The following GRIN3A variants were observed in gnomAD, a reference collection of about 807,000 sequenced individuals.
The protein encoded by GRIN3A is glutamate ionotropic receptor NMDA type subunit 3A, also known as glutamate receptor ionotropic, NMDA 3A.
In GRIN3A, 47 loss-of-function variants were observed where a neutral mutation model predicts 92.4. The ratio of observed to expected loss-of-function variants is 0.51; its 90% CI spans 0.40 to 0.65. The LOEUF (loss-of-function observed/expected upper bound fraction) is 0.65. Among genes scored for constraint, GRIN3A ranks in the 30% least tolerant of loss-of-function variants. The pLI, the probability that GRIN3A is intolerant of heterozygous loss-of-function variation, is 0.00. For synonymous variants in GRIN3A, 527 were observed against 540.6 expected (o/e 0.97, Z 0.35); for missense variants, 1,324 against 1,393.1 (o/e 0.95, Z 0.79).
rs557900948 is a variant in GRIN3A at position 101,652,552 on chromosome 9, G to A, written c.2352+17508C>T. Among the ~76,000 whole-genome samples the A allele has an allele frequency of 3.3e-5, 5 of 152,098 alleles. No individual in the cohort carries two copies. In the South Asian group the frequency reaches 1.0e-3, roughly 31 times the overall value. ...GTCCCAACATCCTCCCTCCACCAAAGGTGCTGTCCTCTGGTGATGGAGTTG... is the reference window on the plus strand; with the variant it reads ...GTCCCAACATCCTCCCTCCACCAAAAGTGCTGTCCTCTGGTGATGGAGTTG... On this transcript the variant is annotated intron_variant, in intron 3 of 8. Coordinates refer to ENST00000361820, the MANE Select transcript of GRIN3A (RefSeq NM_133445.3).
intron 6 of GRIN3A, among the ~76,000 whole-genome samples, chr9:101,596,959 A>G (rs573963974): frequency 5.9e-5 from 9 of 152,314 alleles, no homozygotes; most frequent in Admixed American, 3.9e-4. Context: ...TAAACCAAGT[A>G]CGGGACCTTA....
chr9:101,694,736 G>A (rs1172446996), intron 1 of GRIN3A, among the ~76,000 whole-genome samples: 4 of 152,160 alleles, frequency 2.6e-5, no homozygotes, highest in African/African-American at 7.2e-5. Flanking sequence ...TTTGATCAAA[G>A]GGCATGGCTA....
rs1354836716 is a variant in GRIN3A at position 101,670,590 on chromosome 9, A to G, written c.1822T>C (p.Trp608Arg). ...AGCCCAGTCCAGTGCCCATTTTTCC[A>G]TGCTCCATACTTTCCATCCCCTACA... is the stretch of plus-strand genomic sequence containing the variant. ...YIVGDGKYGA[W>R]KNGHWTGLVG... The change falls in exon 3 of 9, where the codon TGG (tryptophan) becomes CGG (arginine). Residue 608 changes from tryptophan (W) to arginine (R), a missense_variant. Physicochemically the swap from Trp to Arg is moderately radical, Grantham distance 101. Transcript: ENST00000361820. 1 of 1,614,018 alleles carries G rather than the reference A, an allele frequency of 6.2e-7. No individual in the cohort carries two copies. The highest frequency in any genetic ancestry group is 8.5e-7 in the Non-Finnish European group (1 of 1,179,966).
At chr9:101,731,733 A>C (rs371583998) in intron 1 of GRIN3A, among the ~76,000 whole-genome samples, 26 of 152,310 alleles carry the variant, frequency 1.7e-4, no homozygotes, top group African/African-American at 6.3e-4. Flanking sequence ...CAATTAAATA[A>C]AATATCTGAG....
rs192286551 is a variant in GRIN3A at position 101,622,769 on chromosome 9, G to A, written c.2614+549C>T. Among the ~76,000 whole-genome samples, 137 of 152,092 alleles carry A rather than the reference G, an allele frequency of 9.0e-4. 1 individual carries two copies. The highest frequency in any genetic ancestry group is 3.4e-3 in the Middle Eastern group (1 of 294). ...ATGAAAATGTTATGTAATGTCCCTGGGCTTTCTTGTTTATCAAATGAGTAG... is the reference window on the plus strand; with the variant it reads ...ATGAAAATGTTATGTAATGTCCCTGAGCTTTCTTGTTTATCAAATGAGTAG... On this transcript the variant is annotated intron_variant, in intron 5 of 8. Transcript: ENST00000361820.
intron 1 of GRIN3A, among the ~76,000 whole-genome samples, chr9:101,714,213 C>A (rs1226066006): frequency 6.6e-6 from 1 of 151,970 alleles, no homozygotes; most frequent in Non-Finnish European, 1.5e-5. Context: ...ACATAACAAG[C>A]AGGATAATTT....
chr9:101,734,662 G>T (rs887649552), intron 1 of GRIN3A, among the ~76,000 whole-genome samples: 1 of 151,842 alleles, frequency 6.6e-6, no homozygotes, highest in Non-Finnish European at 1.5e-5. Flanking sequence ...GTTGTGGCAG[G>T]ATGTTACCAA....
At chr9:101,687,501 C>T (rs1467131655) in intron 1 of GRIN3A, among the ~76,000 whole-genome samples, 2 of 152,138 alleles carry the variant, frequency 1.3e-5, no homozygotes, top group Non-Finnish European at 2.9e-5. Context: ...TTGTCTACTG[C>T]CATATAGGCA....
Position 101,670,529 on chromosome 9 carries a change from G to T in GRIN3A, c.1883C>A (p.Ala628Glu). ...GDLLRGTAHM[A>E]VTSFSINTAR... Reference sequence around the variant, plus strand: ...AGTATTGATGCTAAAGGAAGTGACTGCCATGTGGGCAGTCCCTCTCAGGAG... The same window carrying T: ...AGTATTGATGCTAAAGGAAGTGACTTCCATGTGGGCAGTCCCTCTCAGGAG... The change falls in exon 3 of 9, where the codon GCA becomes GAA. Residue 628 changes from alanine to glutamate, a missense_variant. Ala to Glu is a moderately radical substitution (Grantham distance 107). Coordinates refer to ENST00000361820, the MANE Select transcript of GRIN3A (RefSeq NM_133445.3). The T allele has an allele frequency of 1.2e-6, 2 of 1,613,984 alleles. No homozygotes were observed. The highest frequency in any genetic ancestry group is 1.7e-6 in the Non-Finnish European group (2 of 1,179,930).
intron 3 of GRIN3A, among the ~76,000 whole-genome samples, chr9:101,653,333 A>T (rs556510808): frequency 1.2e-4 from 18 of 151,912 alleles, no homozygotes; most frequent in Admixed American, 3.3e-4. Flanking sequence ...TTTCAGAGAA[A>T]ATAGATTACT....
chr9:101,643,360 A>T (rs921709284), intron 3 of GRIN3A, among the ~76,000 whole-genome samples: 5 of 152,152 alleles, frequency 3.3e-5, no homozygotes, highest in African/African-American at 1.2e-4. Context: ...TTATCACTGT[A>T]TACCTGTTAA....
chr9:101,655,968 TTA>T (rs1829084546), intron 3 of GRIN3A, among the ~76,000 whole-genome samples: 1 of 151,948 alleles, frequency 6.6e-6, no homozygotes, highest in Non-Finnish European at 1.5e-5. Flanking sequence ...GATGATAAAA[TTA>T]TGTGAATACA....
At chr9:101,639,413 G>T (rs1247656010) in intron 3 of GRIN3A, among the ~76,000 whole-genome samples, 1 of 151,624 alleles carries the variant, frequency 6.6e-6, no homozygotes, top group Non-Finnish European at 1.5e-5. Context: ...TTATATAATT[G>T]ACTTGCTATA....
chr9:101,661,186 C>T (rs755317329), intron 3 of GRIN3A, among the ~76,000 whole-genome samples: 8 of 151,790 alleles, frequency 5.3e-5, no homozygotes, highest in Non-Finnish European at 1.2e-4. Flanking sequence ...ACAGCAGCAG[C>T]ACATGTGGAG....
chr9:101,737,883 A>G lies in GRIN3A; in HGVS notation c.97T>C (p.Ser33Pro). ...LVLAGVPSSS[S>P]HPQPCQILKR... ...AGGATCTGGCAGGGCTGCGGGTGCG[A>G]GGAGGAGCTGGGCACCCCGGCCAGC... Residue 33 changes from serine (S) to proline (P), a missense_variant, in exon 1 of 9, where the codon TCG becomes CCG. Transcript: ENST00000361820. 1 of 1,534,322 alleles carries G rather than the reference A, an allele frequency of 6.5e-7. No individual in the cohort carries two copies. The highest frequency in any genetic ancestry group is 2.1e-4 in the Middle Eastern group (1 of 4,792).
At chr9:101,647,957 ATTTTAT>A (rs1828961550) in intron 3 of GRIN3A, among the ~76,000 whole-genome samples, 1 of 151,494 alleles carries the variant, frequency 6.6e-6, no homozygotes, top group Non-Finnish European at 1.5e-5. Context: ...GATCTTTTGT[ATTTTAT>A]TTTAGTCTCA....
chr9:101,599,236 G>C (rs1004370075), intron 6 of GRIN3A, among the ~76,000 whole-genome samples: 2 of 152,190 alleles, frequency 1.3e-5, no homozygotes, highest in Non-Finnish European at 2.9e-5. Flanking sequence ...TGTTATGTAA[G>C]AGGTGAAATC....
At chr9:101,701,461 T>C (rs536114204) in intron 1 of GRIN3A, among the ~76,000 whole-genome samples, 5 of 152,214 alleles carry the variant, frequency 3.3e-5, no homozygotes. Flanking sequence ...AGTGAGACCA[T>C]GCCTAGCCAT....
At chr9:101,647,668 T>C (rs1243317384) in intron 3 of GRIN3A, among the ~76,000 whole-genome samples, 1 of 151,932 alleles carries the variant, frequency 6.6e-6, no homozygotes, top group Non-Finnish European at 1.5e-5. Context: ...GCTTCAGTCT[T>C]GTTACTTATT....
Sources: gnomAD v4.1 joint callset for allele counts (sites outside exome capture counted in the v4.1 genomes callset) on GRCh38, gnomAD v4.1.1 for gene constraint, MANE v1.5 for transcripts, NCBI Gene and HGNC (gene_info 2026-07-23, HGNC 2026-07-21) for gene names.